Variants in C1orf159 observed in about 807,000 individuals in gnomAD.
C1orf159 encodes the protein chromosome 1 open reading frame 159, also known as uncharacterized protein C1orf159.
C1orf159 carries 19 observed loss-of-function variants against 25.6 expected under a neutral mutation model. The observed-to-expected ratio is 0.74, with a 90% CI of 0.52 to 1.09. C1orf159 has a LOEUF of 1.09. Among genes scored for constraint, C1orf159 ranks in the 50% least tolerant of loss-of-function variants. C1orf159 has a pLI of 0.00. For synonymous variants in C1orf159, 139 were observed against 124.7 expected (o/e 1.12, Z -0.77); for missense variants, 274 against 290.6 (o/e 0.94, Z 0.42).
chr1:1,090,439 C>G lies in C1orf159; in HGVS notation c.73-11G>C, dbSNP rs1385565471. On this transcript the variant is annotated splice_polypyrimidine_tract_variant and intron_variant, in intron 3 of 9. Coordinates refer to ENST00000421241, the MANE Select transcript of C1orf159 (RefSeq NM_017891.5). ...CTCGGGCAGCTGGGCCTGGAGGGGA[C>G]ACGGCAGTGAAACTCCAGGACGCGC... 6.5e-7 allele frequency: 1 copy of G among 1,550,338 alleles called. No individual in the cohort carries two copies. Among genetic ancestry groups the G allele is most frequent in the East Asian group, 2.4e-5 (1 of 40,908 alleles).
chr1:1,108,045 A>T (rs951017856), intron 1 of C1orf159, among the ~76,000 whole-genome samples: 2 of 152,194 alleles, frequency 1.3e-5, no homozygotes, highest in African/African-American at 2.4e-5. Context: ...TTCTAGACAC[A>T]TTAGCAGCAC....
chr1:1,084,186 C>T, intron 9 of C1orf159, 167 bp downstream of exon 9: 2 of 1,527,486 alleles, frequency 1.3e-6, no homozygotes, highest in South Asian at 2.6e-5. Context: ...GGGGCACCAG[C>T]CAAATCCGGC....
chr1:1,099,894 G>A (rs1178301618), intron 1 of C1orf159, among the ~76,000 whole-genome samples: 2 of 117,830 alleles, frequency 1.7e-5, no homozygotes, highest in Non-Finnish European at 3.3e-5. Flanking sequence ...CTATGATTGT[G>A]GGTTGTCTAT....
At chr1:1,084,807 G>GC (rs1191405538) in intron 7 of C1orf159, among the ~76,000 whole-genome samples, 1 of 152,134 alleles carries the variant, frequency 6.6e-6, no homozygotes, top group East Asian at 1.9e-4. Context: ...GAGGGGACAA[G>GC]CCCCCCTCAT....
intron 9 of C1orf159, chr1:1,084,085 G>C (rs369711809): frequency 1.9e-6 from 3 of 1,603,796 alleles, no homozygotes; most frequent in Non-Finnish European, 2.6e-6. Flanking sequence ...CAGACCCCAC[G>C]TCTCGGGAAC....
chr1:1,090,946 G>A (rs1645920846), intron 3 of C1orf159: 1 of 1,550,276 alleles, frequency 6.5e-7, no homozygotes, highest in Non-Finnish European at 8.7e-7. Flanking sequence ...GGTACCCTCA[G>A]CTTGTGTGTT....
At chr1:1,091,018 G>T in intron 3 of C1orf159, 2 of 1,494,236 alleles carry the variant, frequency 1.3e-6, no homozygotes, top group South Asian at 2.4e-5. Context: ...GTCCAGGGGT[G>T]ACTGCGGAGT....
At chr1:1,091,595 A>C in intron 2 of C1orf159, 30 bp from the exon 3 acceptor site, 1 of 1,362,796 alleles carries the variant, frequency 7.3e-7, no homozygotes, top group Non-Finnish European at 1.0e-6. Context: ...GCGGAGCCAA[A>C]GAGATGGAGT....
chr1:1,091,127 C>A lies in C1orf159; in HGVS notation c.72+345G>T, dbSNP rs567890427. Reference sequence around the variant, plus strand: ...GGTCCCCACCCTCCACCCGCTCCGCCTGGGAGTCTGGAGCCGCCGCAGCTA... The same window carrying A: ...GGTCCCCACCCTCCACCCGCTCCGCATGGGAGTCTGGAGCCGCCGCAGCTA... On this transcript the variant is annotated intron_variant, in intron 3 of 9. Transcript: ENST00000421241. 4.2e-5 allele frequency: 28 copies of A among 667,540 alleles called. No individual in the cohort carries two copies. The East Asian group carries it at 7.4e-4, about 18-fold the overall frequency. 41.4% of individuals were successfully genotyped at this position (667,540 alleles called of 1,614,324 possible).
At chr1:1,097,175 C>T (rs527452191) in intron 1 of C1orf159, among the ~76,000 whole-genome samples, 2 of 152,218 alleles carry the variant, frequency 1.3e-5, no homozygotes, top group East Asian at 1.9e-4. Flanking sequence ...GGCATGATCT[C>T]GGCTCACTGC....
At position 1,089,153 on chromosome 1, in the gene C1orf159, C is replaced by T. The variant is rs139829282; in HGVS notation, c.148+1200G>A. 1.6e-3 allele frequency among the ~76,000 whole-genome samples: 250 copies of T among 152,268 alleles called. 1 individual carries two copies. In the Middle Eastern group the frequency reaches 0.02, roughly 12 times the overall value. ...GGAAGCGTATCCAACACCGCAGGCC[C>T]GGCCCCTCCCCACGCGCGCCAGACG... On this transcript the variant is annotated intron_variant, in intron 4 of 9. Coordinates refer to ENST00000421241, the MANE Select transcript of C1orf159 (RefSeq NM_017891.5). The surrounding 1 kb of genome is among the most constrained non-coding windows in gnomAD (Gnocchi z 7.5).
intron 7 of C1orf159, chr1:1,085,313 G>A (rs779989608): frequency 4.8e-6 from 2 of 412,612 alleles, no homozygotes; most frequent in Admixed American, 2.7e-5. Flanking sequence ...GGCCGGCCCT[G>A]GACAACGAGG....
chr1:1,090,762 G>A (rs1645917301), intron 3 of C1orf159: 1 of 925,682 alleles, frequency 1.1e-6, no homozygotes, highest in Non-Finnish European at 1.7e-6. Flanking sequence ...TCTCCATCAG[G>A]GGTTTCCGCT....
At chr1:1,111,354 C>T (rs1646254073) in intron 1 of C1orf159, among the ~76,000 whole-genome samples, 1 of 131,492 alleles carries the variant, frequency 7.6e-6, no homozygotes, top group African/African-American at 3.1e-5. Flanking sequence ...AGAGTGAGAT[C>T]TCATCTCTAC....
chr1:1,108,916 C>T (rs1445624778), intron 1 of C1orf159, among the ~76,000 whole-genome samples: 7 of 97,616 alleles, frequency 7.2e-5, no homozygotes, highest in Admixed American at 2.0e-4. Context: ...TCGGCAGCAC[C>T]GTCCACCACA....
chr1:1,104,871 TAA>T (rs1646150209), intron 1 of C1orf159, among the ~76,000 whole-genome samples: 1 of 151,870 alleles, frequency 6.6e-6, no homozygotes, highest in Admixed American at 6.5e-5. Flanking sequence ...GCTGAAAGGA[TAA>T]GTCTTTTTGT....
At chr1:1,083,816 G>A (rs1033936090) in intron 9 of C1orf159, 28 of 1,134,888 alleles carry the variant, frequency 2.5e-5, no homozygotes, top group African/African-American at 1.1e-4. Flanking sequence ...ACAGGGGGAC[G>A]GAGGCCGGGT....
intron 1 of C1orf159, among the ~76,000 whole-genome samples, chr1:1,106,298 C>A (rs1400433148): frequency 6.6e-6 from 1 of 152,078 alleles, no homozygotes; most frequent in Non-Finnish European, 1.5e-5. Context: ...TAGGGAAATG[C>A]AAATCAAAAT....
chr1:1,082,592 C>T lies in C1orf159; in HGVS notation c.*301G>A. On this transcript the variant is annotated 3_prime_UTR_variant, in exon 10 of 10. Transcript: ENST00000421241. ...ATCGTGCCAGCTTTGGCTGCAGGCGCTGGGGCCTCACCGTGTTTCCTGGGG... is the reference window on the plus strand; with the variant it reads ...ATCGTGCCAGCTTTGGCTGCAGGCGTTGGGGCCTCACCGTGTTTCCTGGGG... The T allele has an allele frequency of 2.3e-6, 1 of 436,260 alleles. No individual in the cohort carries two copies. Among genetic ancestry groups the T allele is most frequent in the Admixed American group, 3.9e-5 (1 of 25,796 alleles). 27.0% of individuals were successfully genotyped at this position (436,260 alleles called of 1,614,324 possible). A position where few individuals can be genotyped will look rare whatever the true frequency, so the allele number is the denominator to read the frequency against.
Sources: allele counts gnomAD v4.1 joint callset (sites outside exome capture counted in the v4.1 genomes callset), GRCh38; gene constraint gnomAD v4.1.1; non-coding constraint Gnocchi (gnomAD v3.1); transcripts MANE v1.5; gene names NCBI Gene and HGNC (gene_info 2026-07-23, HGNC 2026-07-21).